PRAMEF20: variants seen among roughly 807,000 people sequenced by gnomAD.
PRAMEF20 encodes PRAME family member 20/21.
In PRAMEF20, 27 loss-of-function variants were observed where a neutral mutation model predicts 32.4. That is an observed-to-expected ratio of 0.83 (90% CI 0.61 to 1.15). PRAMEF20 has a LOEUF of 1.15. PRAMEF20 is among the 50% of genes most tolerant of loss of function. The pLI, the probability that PRAMEF20 is intolerant of heterozygous loss-of-function variation, is 0.00. For missense variants in PRAMEF20, 604 were observed against 584.5 expected, an observed-to-expected ratio of 1.03 and a Z score of -0.34; for synonymous variants, 256 against 235.4, an observed-to-expected ratio of 1.09 and a Z score of -0.80.
chr1:13,418,413 C>CG lies in PRAMEF20; in HGVS notation c.579_580insG (p.Asn194GlufsTer48). 2.5e-6 allele frequency: 4 copies of CG among 1,613,874 alleles called. No homozygotes were observed. Among genetic ancestry groups the CG allele is most frequent in the Non-Finnish European group, 2.5e-6 (3 of 1,179,858 alleles). On this transcript the variant is annotated frameshift_variant, in exon 2 of 3. Coordinates refer to ENST00000602960, the Ensembl canonical transcript of PRAMEF20. LOFTEE classifies it high-confidence loss of function. ...TGAAAATGTTGGGAATGCTCTTCCA[C>CG]AATATCAGAAACATCCTGAAAACAG...
chr1:13,418,694 T>A (rs931619572), exon 2 of PRAMEF20: 3 of 1,613,596 alleles, frequency 1.9e-6, no homozygotes, highest in East Asian at 4.5e-5. Flanking sequence ...CTGGACCAGA[T>A]GCTCAGGTGA....
At chr1:13,415,945 C>A (rs1569865231), upstream of PRAMEF20, among the ~76,000 whole-genome samples, 1 of 152,216 alleles carries the variant, frequency 6.6e-6, no homozygotes, top group East Asian at 1.9e-4. Flanking sequence ...ATGTTCCCAA[C>A]CAGCTTATTT....
upstream of PRAMEF20, among the ~76,000 whole-genome samples, chr1:13,416,049 G>A (rs1281841163): frequency 1.3e-5 from 2 of 152,210 alleles, no homozygotes; most frequent in Admixed American, 1.3e-4. Context: ...CCAAAGGTGG[G>A]AGGGATTAGC....
chr1:13,418,156 G>A (rs1042348742), exon 2 of PRAMEF20: 7 of 1,613,156 alleles, frequency 4.3e-6, no homozygotes, highest in Non-Finnish European at 5.1e-6. Context: ...TTTACAGGAT[G>A]TCAGTGAGAA....
At chr1:13,419,196 C>G (rs1641216061) in intron 2 of PRAMEF20, among the ~76,000 whole-genome samples, 2 of 152,204 alleles carry the variant, frequency 1.3e-5, no homozygotes, top group Non-Finnish European at 2.9e-5. Flanking sequence ...TTTTATCACC[C>G]AGGCTGGAGT....
At chr1:13,412,849 G>T (rs1641126878), upstream of PRAMEF20, among the ~76,000 whole-genome samples, 1 of 151,658 alleles carries the variant, frequency 6.6e-6, no homozygotes, top group Non-Finnish European at 1.5e-5. Context: ...CATTGAACCT[G>T]GGAGGTGGAG....
At chr1:13,417,330 T>C (rs1388388298) in intron 1 of PRAMEF20, among the ~76,000 whole-genome samples, 1 of 152,116 alleles carries the variant, frequency 6.6e-6, no homozygotes. Flanking sequence ...AGAGCGTTGA[T>C]TGGTGCATTT....
rs915662730 is a variant in PRAMEF20, at chr1:13,419,922, T to C, written c.867-775T>C. 7.3e-3 allele frequency among the ~76,000 whole-genome samples: 1,108 copies of C among 152,130 alleles called. 13 individuals carry two copies. Among genetic ancestry groups the C allele is most frequent in the Non-Finnish European group, 0.011 (735 of 67,988 alleles). ...CCAGGTAAATTAATTACCTGAGAAA[T>C]GTATGATTCTGAAACAGAGGGTCAG... On this transcript the variant is annotated intron_variant, in intron 2 of 2. Coordinates refer to ENST00000602960, the Ensembl canonical transcript of PRAMEF20.
At chr1:13,421,171 C>T (rs1378310419) in exon 3 of PRAMEF20, 37 of 1,613,718 alleles carry the variant, frequency 2.3e-5, no homozygotes, top group East Asian at 2.2e-4. Context: ...TAAGGGAGCC[C>T]GAGAGGATCT....
chr1:13,421,155 G>A, exon 3 of PRAMEF20: 1 of 1,613,920 alleles, frequency 6.2e-7, no homozygotes, highest in African/African-American at 1.3e-5. Context: ...GGGAGAGTGA[G>A]GGCCTTAAGG....
intron 2 of PRAMEF20, among the ~76,000 whole-genome samples, chr1:13,419,952 C>A (rs1289147191): frequency 2.0e-5 from 3 of 152,180 alleles, no homozygotes; most frequent in African/African-American, 7.2e-5. Flanking sequence ...GGTCAGGGAC[C>A]AGGCACAAAG....
chr1:13,420,911 A>C (rs1400856867), exon 3 of PRAMEF20: 1 of 1,613,794 alleles, frequency 6.2e-7, no homozygotes, highest in African/African-American at 1.3e-5. Flanking sequence ...TGACTGTGGC[A>C]TCGTAGACTC....
At chr1:13,414,920 C>T (rs1466352868), upstream of PRAMEF20, among the ~76,000 whole-genome samples, 1 of 152,048 alleles carries the variant, frequency 6.6e-6, no homozygotes, top group Non-Finnish European at 1.5e-5. Flanking sequence ...CAGCTTCAGC[C>T]TCCCAAGTAG....
exon 1 of PRAMEF20, chr1:13,416,418 G>T (rs1327407552): frequency 6.2e-7 from 1 of 1,613,908 alleles, no homozygotes; most frequent in East Asian, 2.2e-5. Flanking sequence ...GAGGGACGAG[G>T]CCTTGGCCAT....
chr1:13,416,235 T>C (rs1328907736), upstream of PRAMEF20: 3 of 1,570,248 alleles, frequency 1.9e-6, no homozygotes, highest in Non-Finnish European at 2.6e-6. Context: ...TGAGGGCTCT[T>C]TCACCATTGC....
chr1:13,418,247 G>C, exon 2 of PRAMEF20: 2 of 1,613,854 alleles, frequency 1.2e-6, no homozygotes, highest in South Asian at 2.2e-5. Context: ...CTGCAGGACT[G>C]TCCAAGGATG....
At chr1:13,410,892 C>G in the PRAMEF20 span, among the ~76,000 whole-genome samples, 17 of 152,070 alleles carry the variant, frequency 1.1e-4, no homozygotes, top group African/African-American at 3.9e-4. Flanking sequence ...GAGTCTTGCT[C>G]TGTTGGCCAG....
intron 1 of PRAMEF20, 104 bp downstream of exon 2, chr1:13,416,745 T>A: frequency 6.3e-7 from 1 of 1,592,590 alleles, no homozygotes; most frequent in Non-Finnish European, 8.5e-7. Flanking sequence ...CACAGGCTTC[T>A]AATGGTTTTG....
intron 1 of PRAMEF20, 28 bp downstream of exon 2, chr1:13,416,669 G>A (rs775930733): frequency 1.2e-5 from 20 of 1,613,740 alleles, no homozygotes; most frequent in Non-Finnish European, 1.0e-5. Context: ...GGCTGGTGGG[G>A]AGGGCCCAGG....
Sources: allele counts gnomAD v4.1 joint callset (sites outside exome capture counted in the v4.1 genomes callset), GRCh38; gene constraint gnomAD v4.1.1; transcripts MANE v1.5; gene names NCBI Gene and HGNC (gene_info 2026-07-23, HGNC 2026-07-21).